The following NUP160 variants were observed in gnomAD, a reference collection of about 807,000 sequenced individuals.
NUP160 encodes the protein nuclear pore complex protein Nup160.
NUP160 carries 94 observed loss-of-function variants against 196.9 expected under a neutral mutation model. That is an observed-to-expected ratio of 0.48 (90% CI 0.40 to 0.57). The LOEUF (loss-of-function observed/expected upper bound fraction) is 0.57, where lower values mean the gene tolerates loss of function less well. NUP160 is among the 20% of genes least tolerant of loss of function. The pLI is 0.00. For synonymous variants in NUP160, 605 were observed against 619.7 expected, an observed-to-expected ratio of 0.98 and a Z score of 0.35; for missense variants, 1,638 against 1,748.3, an observed-to-expected ratio of 0.94 and a Z score of 1.13.
chr11:47,825,563 C>T (rs867105543), intron 7 of NUP160, among the ~76,000 whole-genome samples: 2 of 151,676 alleles, frequency 1.3e-5, no homozygotes, highest in African/African-American at 2.4e-5. Flanking sequence ...AGCAATTCTC[C>T]TGCCTCAGCC....
chr11:47,791,538 G>A (rs1056222236), intron 29 of NUP160, among the ~76,000 whole-genome samples: 25 of 151,922 alleles, frequency 1.6e-4, no homozygotes, highest in African/African-American at 5.6e-4. Flanking sequence ...ATGGGGTTTC[G>A]CCACACTGAC....
Position 47,788,624 on chromosome 11 carries a change from G to A in NUP160, c.3512-13C>T. The A allele has an allele frequency of 6.4e-7, 1 of 1,573,838 alleles. No homozygotes were observed. The highest frequency in any genetic ancestry group is 8.7e-7 in the Non-Finnish European group (1 of 1,145,070). ...ATTTGTCGATTTGCTATACATCAAA[G>A]AAAAATATTTTGAACTCCCAAAATA... is the stretch of plus-strand genomic sequence containing the variant. On this transcript the variant is annotated splice_polypyrimidine_tract_variant and intron_variant, in intron 29 of 35. Coordinates refer to ENST00000378460, the Ensembl canonical transcript of NUP160.
chr11:47,778,766 C>T (rs1353807762), exon 36 of NUP160: 1 of 191,972 alleles, frequency 5.2e-6, no homozygotes, highest in African/African-American at 2.4e-5. Context: ...AACAAGCCAA[C>T]AACCCTCAGC....
intron 31 of NUP160, among the ~76,000 whole-genome samples, chr11:47,787,427 A>ATTT (rs2097665204): frequency 8.9e-6 from 1 of 111,986 alleles, no homozygotes; most frequent in Non-Finnish European, 1.8e-5. Flanking sequence ...TAATTCACAA[A>ATTT]CTTTTTTTTT....
At position 47,788,175 on chromosome 11, in the gene NUP160, T is replaced by C. The variant is rs1387648630; in HGVS notation, c.3746+7A>G. The C allele has an allele frequency of 4.4e-6, 7 of 1,605,526 alleles. No homozygotes were observed. The highest frequency in any genetic ancestry group is 6.0e-6 in the Non-Finnish European group (7 of 1,175,724). ...AAAAGACTATAAAAAAATAATTTTA[T>C]ACATACTTGAAGGCAAGCCCTTCAA... On this transcript the variant is annotated splice_region_variant and intron_variant, in intron 31 of 35. Coordinates refer to ENST00000378460, the Ensembl canonical transcript of NUP160.
chr11:47,847,880 C>A, exon 2 of NUP160: 1 of 1,613,952 alleles, frequency 6.2e-7, no homozygotes, highest in Non-Finnish European at 8.5e-7. Flanking sequence ...TTACGGAGAA[C>A]AACTTGCCAC....
chr11:47,829,616 A>T (rs531289822), intron 7 of NUP160, among the ~76,000 whole-genome samples: 34 of 152,238 alleles, frequency 2.2e-4, no homozygotes, highest in African/African-American at 7.2e-4. Flanking sequence ...TGTTTACAGA[A>T]TTCTTACAAT....
exon 18 of NUP160, chr11:47,808,452 A>G (rs755525420): frequency 2.9e-5 from 46 of 1,613,760 alleles, no homozygotes; most frequent in Middle Eastern, 1.6e-4. Context: ...TAATGAGGTA[A>G]TAAGATAAGA....
At chr11:47,824,044 TATATATATAC>T (rs1407416817) in intron 7 of NUP160, among the ~76,000 whole-genome samples, 56 of 105,802 alleles carry the variant, frequency 5.3e-4, no homozygotes, top group African/African-American at 9.9e-4. Flanking sequence ...TATATATATA[TATATATATAC>T]ACACACACAT....
chr11:47,847,720 G>C, intron 2 of NUP160, 128 bp downstream of exon 2: 1 of 657,932 alleles, frequency 1.5e-6, no homozygotes, highest in Non-Finnish European at 2.7e-6. Flanking sequence ...GATACGAACT[G>C]AAAAAACAAT....
At chr11:47,837,348 T>C (rs1446540966) in intron 5 of NUP160, among the ~76,000 whole-genome samples, 197 bp downstream of exon 5, 1 of 152,034 alleles carries the variant, frequency 6.6e-6, no homozygotes, top group Non-Finnish European at 1.5e-5. Flanking sequence ...GGCCGATTTA[T>C]GCTGACAAGG....
At chr11:47,798,247 A>G (rs769589952) in exon 25 of NUP160, 3 of 1,610,718 alleles carry the variant, frequency 1.9e-6, no homozygotes, top group Admixed American at 3.3e-5. Flanking sequence ...TTGAAAATAC[A>G]TGTCCTTAGA....
At chr11:47,792,741 GTTCCAGGATGAACCCCCAAA>G in intron 28 of NUP160, 25 bp downstream of exon 28, 1 of 1,524,440 alleles carries the variant, frequency 6.6e-7, no homozygotes, top group Non-Finnish European at 8.8e-7. Context: ...AGATTTACTT[GTTCCAGGATGAACCCCCAAA>G]TTCCAGGATG....
intron 17 of NUP160, among the ~76,000 whole-genome samples, chr11:47,811,620 C>T (rs183952937): frequency 5.3e-5 from 8 of 152,138 alleles, no homozygotes; most frequent in African/African-American, 1.7e-4. Context: ...GAAAATTTTC[C>T]ACTACTACAC....
At position 47,817,856 on chromosome 11, in the gene NUP160, C is replaced by T. The variant is rs563992797; in HGVS notation, c.1431+200G>A. ...TGTCACTGATTACTGGGAAAGTGGT[C>T]CCCCCTCCAACCTCTCCACCATGAA... On this transcript the variant is annotated intron_variant, in intron 11 of 35. Coordinates refer to ENST00000378460, the Ensembl canonical transcript of NUP160. Among the ~76,000 whole-genome samples the T allele has an allele frequency of 5.9e-5, 9 of 152,052 alleles. No homozygotes were observed. The South Asian group carries it at 1.9e-3, about 32-fold the overall frequency.
chr11:47,800,088 T>C (rs1181177570), intron 23 of NUP160, among the ~76,000 whole-genome samples: 2 of 151,834 alleles, frequency 1.3e-5, no homozygotes, highest in African/African-American at 2.4e-5. Flanking sequence ...ACCCTGTCCC[T>C]ACCAAAAATA....
At chr11:47,802,085 G>C (rs78844451) in intron 22 of NUP160, among the ~76,000 whole-genome samples, 155 bp from the exon 23 acceptor site, 1 of 152,196 alleles carries the variant, frequency 6.6e-6, no homozygotes, top group African/African-American at 2.4e-5. Context: ...TGAATTCTAT[G>C]TGATGCATTC....
intron 34 of NUP160, among the ~76,000 whole-genome samples, chr11:47,782,128 TA>T (rs1229937960): frequency 1.3e-5 from 2 of 150,466 alleles, no homozygotes; most frequent in African/African-American, 4.9e-5. Flanking sequence ...CCAAAAATAT[TA>T]AAAAATTAGC....
chr11:47,787,657 G>A (rs545590255), intron 31 of NUP160, among the ~76,000 whole-genome samples: 35 of 151,832 alleles, frequency 2.3e-4, no homozygotes, highest in Admixed American at 1.5e-3. Context: ...CGATCCACCC[G>A]CCACAGCCTC....
Sources: gnomAD v4.1 joint callset for allele counts (sites outside exome capture counted in the v4.1 genomes callset) on GRCh38, gnomAD v4.1.1 for gene constraint, MANE v1.5 for transcripts, NCBI Gene and HGNC (gene_info 2026-07-23, HGNC 2026-07-21) for gene names.